Variants in MTF1 observed in about 807,000 individuals in gnomAD.
The protein encoded by MTF1 is metal regulatory transcription factor 1.
A neutral mutation model predicts 70.4 loss-of-function variants in MTF1; 22 were observed. The ratio of observed to expected loss-of-function variants is 0.31; its 90% CI spans 0.22 to 0.45. MTF1 has a LOEUF of 0.45. MTF1 is among the 20% of genes least tolerant of loss of function. MTF1 has a pLI of 1.00. For missense variants in MTF1, 649 were observed against 922.0 expected (o/e 0.70, Z 3.83); for synonymous variants, 333 against 352.8 (o/e 0.94, Z 0.63).
Position 37,827,987 on chromosome 1 carries a change from A to G in MTF1, c.1069-4175T>C, listed in dbSNP as rs574662612. ...GGAAACTATCCAAAGGCCCAACAGG[A>G]GAAAGAACAAATATTGGTATATTCA... On this transcript the variant is annotated intron_variant, in intron 7 of 10. Transcript: ENST00000373036. Among the ~76,000 whole-genome samples, 3 of 152,274 alleles carry G rather than the reference A, an allele frequency of 2.0e-5. No homozygotes were observed. The East Asian group carries it at 5.8e-4, about 29-fold the overall frequency.
intron 2 of MTF1, among the ~76,000 whole-genome samples, chr1:37,852,511 G>T (rs901398405): frequency 6.6e-6 from 1 of 152,082 alleles, no homozygotes; most frequent in Non-Finnish European, 1.5e-5. Context: ...TACCACAACG[G>T]ACTCTTAACT....
rs763863486 is a variant in MTF1, at chr1:37,815,334, GGAT to G, written c.2061_2063del (p.Ser689del). ...GCTCACAGGAGGAGGGCAAGGTAGA[GGAT>G]GATGACCCGGGAACAGGGGCTGAAG... On this transcript the variant is annotated inframe_deletion, in exon 11 of 11. Transcript: ENST00000373036. This position sits in a 1 kb window ranked among gnomAD's most constrained non-coding sequence, Gnocchi z 4.5. 1.2e-6 allele frequency: 2 copies of G among 1,614,124 alleles called. No individual in the cohort carries two copies. Among genetic ancestry groups the G allele is most frequent in the Non-Finnish European group, 1.7e-6 (2 of 1,180,024 alleles).
intron 10 of MTF1, among the ~76,000 whole-genome samples, chr1:37,816,415 C>A (rs192093298): frequency 2.0e-5 from 3 of 152,062 alleles, no homozygotes; most frequent in Admixed American, 2.0e-4. Flanking sequence ...TGGCTCATGC[C>A]TATAATCCCA....
chr1:37,823,875 ACACATTCAAAG>A lies in MTF1; in HGVS notation c.1069-74_1069-64del, dbSNP rs1193605667. 6.6e-6 allele frequency: 8 copies of A among 1,204,390 alleles called. No individual in the cohort carries two copies. The African/African-American group carries it at 1.2e-4, about 18-fold the overall frequency. 74.6% of individuals were successfully genotyped at this position (1,204,390 alleles called of 1,614,324 possible). On this transcript the variant is annotated intron_variant, in intron 7 of 10. Coordinates refer to ENST00000373036, the MANE Select transcript of MTF1 (RefSeq NM_005955.3). The stretch of plus-strand genomic sequence containing the variant: ...TGAGACAATTCTTCACCATGAGAAA[ACACATTCAAAG>A]CAGCAGAACTAGAATGAAAATCTTT...
At chr1:37,834,899 A>G (rs900825319) in intron 6 of MTF1, among the ~76,000 whole-genome samples, 180 bp downstream of exon 6, 2 of 152,258 alleles carry the variant, frequency 1.3e-5, no homozygotes, top group Admixed American at 6.5e-5. Flanking sequence ...AGTAGATGAT[A>G]TCTGGGTGAA....
chr1:37,856,529 T>G (rs1641499237), intron 2 of MTF1, among the ~76,000 whole-genome samples: 1 of 142,602 alleles, frequency 7.0e-6, no homozygotes, highest in Non-Finnish European at 1.5e-5. Flanking sequence ...AGATGGAGTC[T>G]CACTCTATCG....
intron 9 of MTF1, among the ~76,000 whole-genome samples, chr1:37,821,172 TATA>T (rs71573763): frequency 6.0e-5 from 9 of 149,628 alleles, no homozygotes; most frequent in African/African-American, 1.2e-4. Context: ...CCTCAAAATA[TATA>T]ATAATAATAA....
Position 37,845,358 on chromosome 1 carries a change from T to C in MTF1, c.409-5200A>G, listed in dbSNP as rs137855889. Reference sequence around the variant, plus strand: ...AGCACAACCAGCTTCACTGGAATGGTAGGAACAGAAGTGAGAAAGTGAGAC... The same window carrying C: ...AGCACAACCAGCTTCACTGGAATGGCAGGAACAGAAGTGAGAAAGTGAGAC... On this transcript the variant is annotated intron_variant, in intron 2 of 10. Coordinates refer to ENST00000373036, the MANE Select transcript of MTF1 (RefSeq NM_005955.3). Among the ~76,000 whole-genome samples, 304 of 151,938 alleles carry C rather than the reference T, an allele frequency of 2.0e-3. 2 individuals are homozygous for C. Among genetic ancestry groups the C allele is most frequent in the African/African-American group, 6.7e-3 (279 of 41,384 alleles).
At chr1:37,830,998 T>C (rs1344481113) in intron 7 of MTF1, among the ~76,000 whole-genome samples, 1 of 152,234 alleles carries the variant, frequency 6.6e-6, no homozygotes, top group Non-Finnish European at 1.5e-5. Flanking sequence ...ATTGAGTTTT[T>C]ATAAGTTTGG....
chr1:37,824,057 C>T (rs1184070367), intron 7 of MTF1, among the ~76,000 whole-genome samples: 2 of 152,088 alleles, frequency 1.3e-5, no homozygotes, highest in Non-Finnish European at 2.9e-5. Flanking sequence ...GTTGCCCAGG[C>T]TGGTCTTGAA....
chr1:37,830,687 C>G (rs1641072937), intron 7 of MTF1, among the ~76,000 whole-genome samples: 1 of 152,194 alleles, frequency 6.6e-6, no homozygotes, highest in Non-Finnish European at 1.5e-5. Context: ...TTTAGAGACT[C>G]TGGACTCTGT....
chr1:37,830,033 C>T (rs1228228035), intron 7 of MTF1, among the ~76,000 whole-genome samples: 3 of 152,084 alleles, frequency 2.0e-5, no homozygotes, highest in Non-Finnish European at 4.4e-5. Context: ...GACCCTAGGG[C>T]TCCAGAAAGC....
intron 2 of MTF1, among the ~76,000 whole-genome samples, chr1:37,842,595 G>A (rs963743256): frequency 6.6e-6 from 1 of 152,196 alleles, no homozygotes; most frequent in Non-Finnish European, 1.5e-5. Context: ...TAACCTCTAA[G>A]TGTAGGTGTA....
At chr1:37,843,374 T>A (rs1641285200) in intron 2 of MTF1, among the ~76,000 whole-genome samples, 1 of 151,924 alleles carries the variant, frequency 6.6e-6, no homozygotes, top group African/African-American at 2.4e-5. Flanking sequence ...AAGGAGAAGT[T>A]GAGGATTTAA....
Position 37,857,455 on chromosome 1 carries a change from T to G in MTF1, c.204A>C (p.Gly68=), listed in dbSNP as rs552143498. 552 of 1,614,200 alleles carry G rather than the reference T, an allele frequency of 3.4e-4. 11 individuals carry two copies. The South Asian group carries it at 5.6e-3, about 16-fold the overall frequency. Residue 68 remains glycine (G), a synonymous_variant, in exon 2 of 11, where the codon GGA becomes GGC. Coordinates refer to ENST00000373036, the MANE Select transcript of MTF1 (RefSeq NM_005955.3). ...CCCCTACTAGAAAAGGCAAGTGTTC[T>G]CCGCACTGTCCGTCGTCATCTTCAT... is the stretch of plus-strand genomic sequence containing the variant. ...LEDEDDDGQC[G]EHLPFLVGGE...
chr1:37,827,950 T>C (rs951231632), intron 7 of MTF1, among the ~76,000 whole-genome samples: 3 of 152,296 alleles, frequency 2.0e-5, no homozygotes, highest in East Asian at 1.9e-4. Context: ...CTATTCATAA[T>C]GGCTCCAAAC....
chr1:37,844,488 T>C (rs2148417323), intron 2 of MTF1, among the ~76,000 whole-genome samples: 2 of 152,294 alleles, frequency 1.3e-5, no homozygotes, highest in South Asian at 2.1e-4. Context: ...CTGTTAATTA[T>C]TGTCTCATGC....
chr1:37,822,346 T>C lies in MTF1; in HGVS notation c.1542A>G (p.Ser514=). 6.2e-7 allele frequency: 1 copy of C among 1,612,888 alleles called. No individual in the cohort carries two copies. Among genetic ancestry groups the C allele is most frequent in the Non-Finnish European group, 8.5e-7 (1 of 1,179,276 alleles). Reference sequence around the variant, plus strand: ...GTGGTGGGGCTGGTGCTGCCACAGCTGATGCCACTGCCGCTGCTGATGCAG... The same window carrying C: ...GTGGTGGGGCTGGTGCTGCCACAGCCGATGCCACTGCCGCTGCTGATGCAG... The part of the protein sequence containing the change: ...GASASAAAVA[S]AVAAPAPPQS... The change falls in exon 9 of 11, where the codon TCA becomes TCG. Residue 514 remains serine, a synonymous_variant. Coordinates refer to ENST00000373036, the MANE Select transcript of MTF1 (RefSeq NM_005955.3).
At chr1:37,817,228 G>A (rs1458044848) in intron 10 of MTF1, among the ~76,000 whole-genome samples, 191 bp downstream of exon 10, 1 of 152,138 alleles carries the variant, frequency 6.6e-6, no homozygotes, top group Non-Finnish European at 1.5e-5. Context: ...CGGTATTTTG[G>A]CCAGACGTAT....
Sources: allele counts gnomAD v4.1 joint callset (sites outside exome capture counted in the v4.1 genomes callset), GRCh38; gene constraint gnomAD v4.1.1; non-coding constraint Gnocchi (gnomAD v3.1); transcripts MANE v1.5; gene names NCBI Gene and HGNC (gene_info 2026-07-23, HGNC 2026-07-21).